Variants in PHLDA1 observed in about 807,000 individuals in gnomAD.
PHLDA1 encodes pleckstrin homology-like domain family A member 1.
PHLDA1 carries 28 observed loss-of-function variants against 33.8 expected under a neutral mutation model. The observed-to-expected ratio is 0.83, with a 90% CI of 0.61 to 1.14. The LOEUF is 1.14. PHLDA1 is among the 50% of genes most tolerant of loss of function. The probability of loss-of-function intolerance (pLI) is 0.00; values close to 1 mark genes in which losing one functional copy is unlikely to be tolerated. For missense variants in PHLDA1, 595 were observed against 548.6 expected, an observed-to-expected ratio of 1.08 and a Z score of -0.84; for synonymous variants, 271 against 243.6, an observed-to-expected ratio of 1.11 and a Z score of -1.05.
At chr12:76,026,970 G>A (rs952099899) in exon 2 of PHLDA1, 2 of 152,234 alleles carry the variant, frequency 1.3e-5, no homozygotes, top group African/African-American at 4.8e-5. Flanking sequence ...TGTCCCAACA[G>A]TTATTGAGCT....
chr12:76,030,737 G>A lies in PHLDA1; in HGVS notation c.1005C>T (p.Pro335=), dbSNP rs149591612. ...GAGGCTTGGGTTGGGGCTGAGGCTGGGGTTGTGATTGGGGCTGGGGTTGCG... is the reference window on the plus strand; with the variant it reads ...GAGGCTTGGGTTGGGGCTGAGGCTGAGGTTGTGATTGGGGCTGGGGTTGCG... The change falls in exon 1 of 2, where the codon CCC becomes CCT. Residue 335 remains proline (P), a synonymous_variant. Transcript: ENST00000266671. 231 of 1,232,824 alleles carry A rather than the reference G, an allele frequency of 1.9e-4. 1 individual carries two copies. The African/African-American group carries it at 3.1e-3, about 17-fold the overall frequency. The allele number at this position is 1,232,824 out of a possible 1,614,324, so 76.4% of individuals were successfully genotyped here. A position where few individuals can be genotyped will look rare whatever the true frequency, so the allele number is the denominator to read the frequency against.
exon 2 of PHLDA1, chr12:76,029,366 T>C (rs1870843513): frequency 6.6e-6 from 1 of 152,232 alleles, no homozygotes; most frequent in Admixed American, 6.5e-5. Flanking sequence ...CTACCACATA[T>C]TCAAGATACA....
chr12:76,031,559 G>T lies in PHLDA1; in HGVS notation c.183C>A (p.Gly61=). Residue 61 remains glycine (G), a synonymous_variant, in exon 1 of 2, where the codon GGC becomes GGA. Coordinates refer to ENST00000266671, the Ensembl canonical transcript of PHLDA1. The surrounding 1 kb of genome is among the most constrained non-coding windows in gnomAD (Gnocchi z 5.4). ...AGGTCCCGGAGCTCCGAGCTGCCGG[G>T]CCTCTGCCGTCCTCTTGCGAGCGCT... The T allele has an allele frequency of 6.4e-7, 1 of 1,560,244 alleles. No homozygotes were observed. Among genetic ancestry groups the T allele is most frequent in the Non-Finnish European group, 8.6e-7 (1 of 1,156,742 alleles).
At chr12:76,026,504 A>G (rs1870776910) in exon 2 of PHLDA1, 1 of 152,226 alleles carries the variant, frequency 6.6e-6, no homozygotes, top group Admixed American at 6.5e-5. Flanking sequence ...GGTATATGAG[A>G]GAAAAAAAGT....
Position 76,031,196 on chromosome 12 carries a change from G to A in PHLDA1, c.546C>T (p.Ile182=). The A allele has an allele frequency of 6.2e-7, 1 of 1,613,142 alleles. No homozygotes were observed. The highest frequency in any genetic ancestry group is 8.5e-7 in the Non-Finnish European group (1 of 1,179,800). The stretch of plus-strand genomic sequence containing the variant: ...GCTGGTGTTGCAGCTGCTTGGGCGG[G>A]ATAAGCAGCAGCCCTTCCTCGGTGA... Residue 182 remains isoleucine (I), a synonymous_variant, in exon 1 of 2, where the codon ATC becomes ATT. Transcript: ENST00000266671. The surrounding 1 kb of genome is among the most constrained non-coding windows in gnomAD (Gnocchi z 5.4).
exon 1 of PHLDA1, chr12:76,030,822 G>A: frequency 1.3e-6 from 2 of 1,565,688 alleles, no homozygotes; most frequent in African/African-American, 1.4e-5. Context: ...CTGCGAGGGG[G>A]GCTGCTGCTG....
chr12:76,030,596 TGGGTGTGGGTGCGGTATTTGGTGC>T, exon 1 of PHLDA1: 1 of 1,607,310 alleles, frequency 6.2e-7, no homozygotes, highest in Non-Finnish European at 8.5e-7. Flanking sequence ...AGTGCGGCTG[TGGGTGTGGGTGCGGTATTTGGTGC>T]GGATGCGGGT....
Position 76,030,503 on chromosome 12 carries a change from A to G in PHLDA1, c.*26+7T>C. ...ACTCCTCGGGAGCGCGAGTGCCGGGACCTTACCTTGTCTTGCCCGGGAGCT... is the reference window on the plus strand; with the variant it reads ...ACTCCTCGGGAGCGCGAGTGCCGGGGCCTTACCTTGTCTTGCCCGGGAGCT... On this transcript the variant is annotated splice_region_variant and intron_variant, in intron 1 of 1. Coordinates refer to ENST00000266671, the Ensembl canonical transcript of PHLDA1. The G allele has an allele frequency of 6.2e-7, 1 of 1,601,538 alleles. No individual in the cohort carries two copies.
In PHLDA1 at chr12:76,026,436, A is replaced by G. The variant is rs142577353; in HGVS notation, c.*3683T>C. 383 of 152,310 alleles carry G rather than the reference A, an allele frequency of 2.5e-3. 1 individual carries two copies. The highest frequency in any genetic ancestry group is 8.8e-3 in the African/African-American group (366 of 41,574). 9.4% of individuals were successfully genotyped at this position (152,310 alleles called of 1,614,324 possible). A position where few individuals can be genotyped will look rare whatever the true frequency, so the allele number is the denominator to read the frequency against. ...TACACTTGCAGCAAACTTTACTGTC[A>G]GATATAAAATTAGGGCTTTCTCTTA... On this transcript the variant is annotated 3_prime_UTR_variant, in exon 2 of 2. Transcript: ENST00000266671.
chr12:76,030,658 G>T, exon 1 of PHLDA1: 1 of 1,333,042 alleles, frequency 7.5e-7, no homozygotes, highest in Non-Finnish European at 1.1e-6. Context: ...TGCGAGTGAG[G>T]ATGAGAGTGT....
rs779156013 is a variant in PHLDA1, at chr12:76,031,581, C to T, written c.161G>A (p.Arg54His). Residue 54 changes from arginine to histidine, a missense_variant, in exon 1 of 2, where the codon CGC (arginine) becomes CAC (histidine). Arg to His is a conservative substitution (Grantham distance 29). Transcript: ENST00000266671. This position sits in a 1 kb window ranked among gnomAD's most constrained non-coding sequence, Gnocchi z 5.4. ...CGGGCCTCTGCCGTCCTCTTGCGAGCGCTCACTGAAGGGCACTGGCCGGGC... is the reference window on the plus strand; with the variant it reads ...CGGGCCTCTGCCGTCCTCTTGCGAGTGCTCACTGAAGGGCACTGGCCGGGC... 1.9e-6 allele frequency: 3 copies of T among 1,575,802 alleles called. No homozygotes were observed. Among genetic ancestry groups the T allele is most frequent in the East Asian group, 4.8e-5 (2 of 41,866 alleles).
rs1314652550 is a variant in PHLDA1 at position 76,031,663 on chromosome 12, GA to G, written c.78del (p.Pro27ArgfsTer125). 14 of 1,510,230 alleles carry G rather than the reference GA, an allele frequency of 9.3e-6. No individual in the cohort carries two copies. The highest frequency in any genetic ancestry group is 4.4e-5 in the Admixed American group (2 of 45,628). 93.6% of individuals were successfully genotyped at this position (1,510,230 alleles called of 1,614,324 possible). ...CCCCACCCCCGAGTGACACCCAGCGGAAAAGGCGGCTCCTGGCGCCCGCACC... is the reference window on the plus strand; with the variant it reads ...CCCCACCCCCGAGTGACACCCAGCGGAAAGGCGGCTCCTGGCGCCCGCACC... On this transcript the variant is annotated frameshift_variant, in exon 1 of 2. Coordinates refer to ENST00000266671, the Ensembl canonical transcript of PHLDA1. LOFTEE classifies it high-confidence loss of function. The surrounding 1 kb of genome is among the most constrained non-coding windows in gnomAD (Gnocchi z 5.4).
Position 76,028,288 on chromosome 12 carries a change from C to T in PHLDA1, c.*1831G>A, listed in dbSNP as rs116739226. The T allele has an allele frequency of 3.3e-3, 502 of 152,070 alleles. 5 individuals are homozygous for T. The highest frequency in any genetic ancestry group is 0.011 in the African/African-American group (462 of 41,486). The allele number at this position is 152,070 out of a possible 1,614,324, so 9.4% of individuals were successfully genotyped here. ...TGTGTATACATATATACATATGAAA[C>T]AAGTTTTTAAATGTTGGCAGCATAT... On this transcript the variant is annotated 3_prime_UTR_variant, in exon 2 of 2. Transcript: ENST00000266671.
At chr12:76,030,633 G>T in exon 1 of PHLDA1, 2 of 1,504,410 alleles carry the variant, frequency 1.3e-6, no homozygotes, top group Non-Finnish European at 1.8e-6. Context: ...ATGCGGGTGC[G>T]GGTGAGGGTG....
exon 2 of PHLDA1, chr12:76,028,983 A>C (rs866412257): frequency 2.0e-5 from 3 of 152,266 alleles, no homozygotes; most frequent in African/African-American, 7.2e-5. Context: ...AATGAAAAGC[A>C]AAACAGTTGG....
chr12:76,029,253 C>T (rs1870838640), exon 2 of PHLDA1: 2 of 152,292 alleles, frequency 1.3e-5, no homozygotes, highest in Middle Eastern at 6.8e-3. Context: ...AATGAAACAG[C>T]AAATGCATTT....
exon 2 of PHLDA1, chr12:76,025,955 C>T (rs924690212): frequency 4.6e-5 from 7 of 152,188 alleles, no homozygotes; most frequent in African/African-American, 1.7e-4. Flanking sequence ...GACTTTTTTA[C>T]CCAATCTTAG....
In PHLDA1 at chr12:76,031,348, G is replaced by T; in HGVS notation, c.394C>A (p.Pro132Thr). 6.2e-7 allele frequency: 1 copy of T among 1,611,790 alleles called. No homozygotes were observed. The highest frequency in any genetic ancestry group is 1.3e-5 in the African/African-American group (1 of 75,002). Reference sequence around the variant, plus strand: ...CCAGCATAAGAGGGGCCGCCGCTTGGCTCGGCCTCTCCGTTTCCAGCCGCG... The same window carrying T: ...CCAGCATAAGAGGGGCCGCCGCTTGTCTCGGCCTCTCCGTTTCCAGCCGCG... The change falls in exon 1 of 2, where the codon CCA (proline) becomes ACA (threonine). Residue 132 changes from proline (P) to threonine (T), a missense_variant. Physicochemically the swap from Pro to Thr is conservative, Grantham distance 38. This residue lies in a region of PHLDA1 where 263 missense variants were observed against 232.3 expected (regional missense o/e 1.13). Coordinates refer to ENST00000266671, the Ensembl canonical transcript of PHLDA1. This position sits in a 1 kb window ranked among gnomAD's most constrained non-coding sequence, Gnocchi z 5.4.
exon 2 of PHLDA1, chr12:76,026,224 C>T (rs968953265): frequency 6.6e-6 from 1 of 152,158 alleles, no homozygotes; most frequent in East Asian, 1.9e-4. Context: ...GTTTGACACA[C>T]ACGAAAAAGA....
Sources: allele counts gnomAD v4.1 joint callset, GRCh38; gene constraint gnomAD v4.1.1; regional missense constraint gnomAD v4.1.1; non-coding constraint Gnocchi (gnomAD v3.1); transcripts MANE v1.5; gene names NCBI Gene and HGNC (gene_info 2026-07-23, HGNC 2026-07-21).